Variants in TEX2 observed in about 807,000 individuals in gnomAD.
The protein encoded by TEX2 is testis-expressed protein 2.
In TEX2, 53 loss-of-function variants were observed where a neutral mutation model predicts 106.9. The ratio of observed to expected loss-of-function variants is 0.50; its 90% CI spans 0.40 to 0.62. The LOEUF is 0.62. Among genes scored for constraint, TEX2 ranks in the 20% least tolerant of loss-of-function variants. The probability of loss-of-function intolerance (pLI) is 0.00; values close to 1 mark genes in which losing one functional copy is unlikely to be tolerated. For missense variants in TEX2, 1,207 were observed against 1,379.0 expected, an observed-to-expected ratio of 0.88 and a Z score of 1.98; for synonymous variants, 523 against 534.8, an observed-to-expected ratio of 0.98 and a Z score of 0.30.
chr17:64,204,767 T>G (rs1555630569), intron 2 of TEX2, among the ~76,000 whole-genome samples: 2 of 152,210 alleles, frequency 1.3e-5, no homozygotes, highest in Admixed American at 1.3e-4. Context: ...ATAAGAATCT[T>G]CGATGTTTTT....
rs184604853 is a variant in TEX2, at chr17:64,225,914, C to T, written c.-25-11672G>A. Among the ~76,000 whole-genome samples, 24 of 152,144 alleles carry T rather than the reference C, an allele frequency of 1.6e-4. No individual in the cohort carries two copies. In the East Asian group the frequency reaches 4.6e-3, roughly 29 times the overall value. ...TGTATTTTTAGTAGAAACAGAAATT[C>T]GCCATGTTGGCCAGGCTGGTCTTGA... On this transcript the variant is annotated intron_variant, in intron 1 of 11. Coordinates refer to ENST00000584379, the MANE Select transcript of TEX2 (RefSeq NM_001288732.2).
At chr17:64,154,140 T>TA (rs149062594) in intron 9 of TEX2, among the ~76,000 whole-genome samples, 5,475 of 152,292 alleles carry the variant, frequency 0.036, 326 homozygotes, top group African/African-American at 0.13. Flanking sequence ...AGCTAGACTG[T>TA]AAATAATACA....
intron 1 of TEX2, among the ~76,000 whole-genome samples, chr17:64,248,374 C>G (rs929527893): frequency 1.3e-5 from 2 of 151,996 alleles, no homozygotes; most frequent in African/African-American, 4.8e-5. Context: ...AAAGACCTTC[C>G]CTAAAAGGAA....
chr17:64,175,052 C>T lies in TEX2; in HGVS notation c.2571+2273G>A, dbSNP rs189820577. 1.6e-3 allele frequency among the ~76,000 whole-genome samples: 251 copies of T among 152,376 alleles called. 2 individuals are homozygous for T. Among genetic ancestry groups the T allele is most frequent in the Middle Eastern group, 3.4e-3 (1 of 294 alleles). On this transcript the variant is annotated intron_variant, in intron 6 of 11. Coordinates refer to ENST00000584379, the MANE Select transcript of TEX2 (RefSeq NM_001288732.2). ...TCAGGCTCCTCTAGATACCACTTCC[C>T]TATTCCCATTTTGGCTCTTGACTGG...
intron 1 of TEX2, among the ~76,000 whole-genome samples, chr17:64,228,373 C>T (rs2033564325): frequency 6.6e-6 from 1 of 152,136 alleles, no homozygotes; most frequent in Non-Finnish European, 1.5e-5. Flanking sequence ...TATAATGACA[C>T]AATTCTACAA....
At chr17:64,230,741 A>C (rs1413633766) in intron 1 of TEX2, 4 of 152,186 alleles carry the variant, frequency 2.6e-5, no homozygotes, top group Non-Finnish European at 4.4e-5. Context: ...AACTGAGGGA[A>C]GCTTCCTCCA....
At chr17:64,237,219 G>A (rs1176991872) in intron 1 of TEX2, among the ~76,000 whole-genome samples, 1 of 151,960 alleles carries the variant, frequency 6.6e-6, no homozygotes, top group African/African-American at 2.4e-5. Flanking sequence ...AACAAGAAGG[G>A]TAAGAGTAAG....
chr17:64,216,593 A>G (rs1353069810), intron 1 of TEX2, among the ~76,000 whole-genome samples: 1 of 152,224 alleles, frequency 6.6e-6, no homozygotes, highest in East Asian at 1.9e-4. Context: ...GTTGAGGATA[A>G]GAAGGCCTGG....
rs114280393 is a variant in TEX2 at position 64,169,778 on chromosome 17, T to G, written c.2671+1322A>C. Among the ~76,000 whole-genome samples the G allele has an allele frequency of 3.9e-3, 600 of 152,318 alleles. 8 individuals are homozygous for G. Among genetic ancestry groups the G allele is most frequent in the African/African-American group, 0.013 (558 of 41,572 alleles). On this transcript the variant is annotated intron_variant, in intron 7 of 11. Transcript: ENST00000584379. ...AAAGTAGCTTCCATGCTCTACAAATTTTATAAAACATTTACTTTAAAACAA... is the reference window on the plus strand; with the variant it reads ...AAAGTAGCTTCCATGCTCTACAAATGTTATAAAACATTTACTTTAAAACAA...
intron 4 of TEX2, among the ~76,000 whole-genome samples, chr17:64,189,275 AAAG>A (rs1165321439): frequency 6.6e-6 from 1 of 152,206 alleles, no homozygotes; most frequent in East Asian, 1.9e-4. Flanking sequence ...CTCTGGGCAA[AAAG>A]AAGGGGGTGA....
chr17:64,161,808 T>C (rs1222423533), intron 7 of TEX2, among the ~76,000 whole-genome samples: 3 of 152,114 alleles, frequency 2.0e-5, no homozygotes, highest in East Asian at 3.9e-4. Context: ...GGACTTTCTA[T>C]CAAAATGTGA....
intron 2 of TEX2, among the ~76,000 whole-genome samples, chr17:64,199,834 T>TTCAA (rs1418128344): frequency 2.0e-5 from 3 of 152,236 alleles, no homozygotes; most frequent in African/African-American, 7.2e-5. Context: ...AGTTATTGGG[T>TTCAA]TCAAGCTTTT....
At chr17:64,246,624 A>G (rs1227869617) in intron 1 of TEX2, among the ~76,000 whole-genome samples, 1 of 152,232 alleles carries the variant, frequency 6.6e-6, no homozygotes, top group Non-Finnish European at 1.5e-5. Flanking sequence ...CTTTAAAAAA[A>G]GGTATATAAA....
intron 1 of TEX2, among the ~76,000 whole-genome samples, chr17:64,250,084 G>C: frequency 6.6e-6 from 1 of 152,144 alleles, no homozygotes; most frequent in Non-Finnish European, 1.5e-5. Context: ...CAATTCCTGA[G>C]GGCAGCTCCT....
At chr17:64,167,472 T>C (rs1007239873) in intron 7 of TEX2, among the ~76,000 whole-genome samples, 1 of 152,078 alleles carries the variant, frequency 6.6e-6, no homozygotes, top group Non-Finnish European at 1.5e-5. Context: ...AGTGCCTTTT[T>C]TGTATTGACT....
At chr17:64,237,149 G>A (rs1005575066) in intron 1 of TEX2, among the ~76,000 whole-genome samples, 1 of 152,164 alleles carries the variant, frequency 6.6e-6, no homozygotes, top group African/African-American at 2.4e-5. Context: ...AGTGGGCATT[G>A]GGCTGACATC....
At chr17:64,161,708 T>C (rs1360089190) in intron 7 of TEX2, among the ~76,000 whole-genome samples, 1 of 152,116 alleles carries the variant, frequency 6.6e-6, no homozygotes, top group African/African-American at 2.4e-5. Context: ...AAACAGGGTT[T>C]ATCTCATGAC....
chr17:64,220,545 C>G (rs1216986131), intron 1 of TEX2, among the ~76,000 whole-genome samples: 1 of 151,442 alleles, frequency 6.6e-6, no homozygotes, highest in Admixed American at 6.6e-5. Context: ...GGGCAAAGGA[C>G]ATGAACAGAC....
intron 2 of TEX2, among the ~76,000 whole-genome samples, chr17:64,208,463 C>G (rs922876111): frequency 6.6e-6 from 1 of 151,962 alleles, no homozygotes; most frequent in African/African-American, 2.4e-5. Flanking sequence ...TGGTCTTGAA[C>G]TCCTGACCTC....
Sources: gnomAD v4.1 joint callset for allele counts (sites outside exome capture counted in the v4.1 genomes callset) on GRCh38, gnomAD v4.1.1 for gene constraint, MANE v1.5 for transcripts, NCBI Gene and HGNC (gene_info 2026-07-23, HGNC 2026-07-21) for gene names.